Variants in EDIL3 observed in about 807,000 individuals in gnomAD.
The protein encoded by EDIL3 is EGF like and discoidin domains 3.
In EDIL3, 37 loss-of-function variants were observed where a neutral mutation model predicts 67.4. That is an observed-to-expected ratio of 0.55 (90% CI 0.42 to 0.72). The LOEUF (loss-of-function observed/expected upper bound fraction) is 0.72. EDIL3 is among the 30% of genes least tolerant of loss of function. The probability of loss-of-function intolerance (pLI) is 0.00; values close to 1 mark genes in which losing one functional copy is unlikely to be tolerated. For missense variants in EDIL3, 527 were observed against 586.3 expected, an observed-to-expected ratio of 0.90 and a Z score of 1.04; for synonymous variants, 195 against 196.3, an observed-to-expected ratio of 0.99 and a Z score of 0.05.
intron 9 of EDIL3, among the ~76,000 whole-genome samples, chr5:83,976,252 G>A (rs1744875333): frequency 6.6e-6 from 1 of 151,782 alleles, no homozygotes; most frequent in Admixed American, 6.6e-5. Context: ...TTGTCATGTT[G>A]ACAATATGCT....
chr5:83,986,529 C>T (rs186351123), intron 9 of EDIL3, among the ~76,000 whole-genome samples: 1 of 152,162 alleles, frequency 6.6e-6, no homozygotes, highest in Admixed American at 6.6e-5. Context: ...CTGTTTACTC[C>T]GTTTTTATAC....
At chr5:84,141,015 T>TAA (rs1436746361) in intron 4 of EDIL3, among the ~76,000 whole-genome samples, 2 of 152,060 alleles carry the variant, frequency 1.3e-5, no homozygotes, top group Non-Finnish European at 2.9e-5. Context: ...ATAAAAACGT[T>TAA]CACAGAATAT....
chr5:84,079,078 C>A (rs896691994), intron 6 of EDIL3, among the ~76,000 whole-genome samples: 2 of 152,074 alleles, frequency 1.3e-5, no homozygotes, highest in African/African-American at 2.4e-5. Flanking sequence ...TTCTATAAAA[C>A]CTCCAAAGAA....
chr5:83,956,662 T>C (rs1358572774), intron 10 of EDIL3, among the ~76,000 whole-genome samples: 1 of 151,752 alleles, frequency 6.6e-6, no homozygotes, highest in Non-Finnish European at 1.5e-5. Context: ...TCCCATTCTA[T>C]TTTGGGCATA....
At chr5:83,985,124 T>A (rs1027801854) in intron 9 of EDIL3, among the ~76,000 whole-genome samples, 2 of 151,990 alleles carry the variant, frequency 1.3e-5, no homozygotes, top group African/African-American at 4.8e-5. Context: ...TGGAGAAGAC[T>A]TTTTCTGCTT....
intron 5 of EDIL3, among the ~76,000 whole-genome samples, chr5:84,110,972 G>A (rs1747553358): frequency 1.3e-5 from 2 of 152,246 alleles, no homozygotes; most frequent in South Asian, 4.1e-4. Flanking sequence ...GTAATCCCTA[G>A]TCTTGGGGGA....
rs918335054 is a variant in EDIL3, at chr5:83,940,625, T to G, written c.*2794A>C. ...GCTTTTCAAAAGTTTATTTTAAGTT[T>G]GGAGACTAGACAAGGTCATACTGGT... is the stretch of plus-strand genomic sequence containing the variant. On this transcript the variant is annotated 3_prime_UTR_variant, in exon 11 of 11. Transcript: ENST00000296591. 1 of 152,006 alleles carries G rather than the reference T, an allele frequency of 6.6e-6. No individual in the cohort carries two copies. Among genetic ancestry groups the G allele is most frequent in the African/African-American group, 2.4e-5 (1 of 41,432 alleles). The allele number at this position is 152,006 out of a possible 1,614,324, so 9.4% of individuals were successfully genotyped here. A position where few individuals can be genotyped will look rare whatever the true frequency, so the allele number is the denominator to read the frequency against.
chr5:84,372,792 GT>G (rs1747881987), intron 1 of EDIL3, among the ~76,000 whole-genome samples: 1 of 152,114 alleles, frequency 6.6e-6, no homozygotes, highest in African/African-American at 2.4e-5. Flanking sequence ...TAAAAGAGCT[GT>G]TTCTATGAAC....
chr5:84,171,462 T>C (rs115483987), intron 4 of EDIL3, among the ~76,000 whole-genome samples: 1,554 of 152,232 alleles, frequency 0.01, 28 homozygotes, highest in African/African-American at 0.036. Flanking sequence ...CTCCTATAGA[T>C]AGGTTATGGG....
In EDIL3 at chr5:84,061,559, T is replaced by C. The variant is rs73134257; in HGVS notation, c.953-1075A>G. 1.1e-3 allele frequency among the ~76,000 whole-genome samples: 160 copies of C among 152,246 alleles called. 1 individual carries two copies. Among genetic ancestry groups the C allele is most frequent in the African/African-American group, 3.7e-3 (153 of 41,556 alleles). On this transcript the variant is annotated intron_variant, in intron 8 of 10. Transcript: ENST00000296591. ...AGGACACTCCTCCAACCCAATACTT[T>C]CTCCTCACACTCTACTGTCTCCCAT... is the stretch of plus-strand genomic sequence containing the variant.
intron 1 of EDIL3, among the ~76,000 whole-genome samples, chr5:84,261,130 C>T (rs1164220628): frequency 1.3e-5 from 2 of 152,056 alleles, no homozygotes; most frequent in African/African-American, 4.8e-5. Context: ...AGTTTTGAAC[C>T]AATCTATAGA....
intron 9 of EDIL3, among the ~76,000 whole-genome samples, chr5:84,054,709 A>G (rs1166496559): frequency 1.3e-5 from 2 of 152,094 alleles, no homozygotes; most frequent in Non-Finnish European, 2.9e-5. Context: ...CCCATTCACA[A>G]TTGCTTCAAA....
intron 10 of EDIL3, among the ~76,000 whole-genome samples, chr5:83,962,210 A>G (rs138500366): frequency 6.6e-6 from 1 of 151,506 alleles, no homozygotes; most frequent in Non-Finnish European, 1.5e-5. Context: ...TAATGCAATA[A>G]CCATAAGGAA....
At chr5:84,113,039 T>TA (rs995100969) in intron 5 of EDIL3, among the ~76,000 whole-genome samples, 28 of 152,074 alleles carry the variant, frequency 1.8e-4, no homozygotes, top group Non-Finnish European at 3.4e-4. Flanking sequence ...GTTTACTATT[T>TA]AAAAAAAATG....
rs191383959 is a variant in EDIL3 at position 84,051,032 on chromosome 5, C to A, written c.1137+9268G>T. On this transcript the variant is annotated intron_variant, in intron 9 of 10. Coordinates refer to ENST00000296591, the MANE Select transcript of EDIL3 (RefSeq NM_005711.5). ...ACTGCTTCCTCAAGTGGGTTGCTGA[C>A]CCCTGAGTAGCCTATCTGGGAGGCA... 1.2e-3 allele frequency among the ~76,000 whole-genome samples: 190 copies of A among 152,274 alleles called. 1 individual carries two copies. In the East Asian group the frequency reaches 0.014, roughly 11 times the overall value.
chr5:84,171,884 G>T (rs1748817878), intron 4 of EDIL3, among the ~76,000 whole-genome samples: 1 of 152,112 alleles, frequency 6.6e-6, no homozygotes, highest in African/African-American at 2.4e-5. Context: ...TTTTTATAAT[G>T]CCCCAGGTGA....
chr5:83,991,719 T>G (rs1240316283), intron 9 of EDIL3, among the ~76,000 whole-genome samples: 1 of 152,104 alleles, frequency 6.6e-6, no homozygotes, highest in East Asian at 1.9e-4. Flanking sequence ...AAGAGCATCT[T>G]TTAGGTTTTG....
At chr5:84,165,421 G>A (rs566931996) in intron 4 of EDIL3, among the ~76,000 whole-genome samples, 17 of 152,220 alleles carry the variant, frequency 1.1e-4, no homozygotes, top group African/African-American at 3.6e-4. Flanking sequence ...TGTGACTACC[G>A]TTTCTCAAGG....
At chr5:83,988,179 G>A (rs1185767696) in intron 9 of EDIL3, among the ~76,000 whole-genome samples, 1 of 151,972 alleles carries the variant, frequency 6.6e-6, no homozygotes, top group Non-Finnish European at 1.5e-5. Flanking sequence ...CATTAAGGCA[G>A]CCAAAATCAA....
Sources: allele counts gnomAD v4.1 joint callset (sites outside exome capture counted in the v4.1 genomes callset), GRCh38; gene constraint gnomAD v4.1.1; transcripts MANE v1.5; gene names NCBI Gene and HGNC (gene_info 2026-07-23, HGNC 2026-07-21).